The following PTPRJ variants were observed in gnomAD, a reference collection of about 807,000 sequenced individuals.
PTPRJ encodes protein tyrosine phosphatase receptor type J.
A neutral mutation model predicts 141.3 loss-of-function variants in PTPRJ; 129 were observed. The ratio of observed to expected loss-of-function variants is 0.91; its 90% CI spans 0.79 to 1.06. PTPRJ has a LOEUF of 1.06. Ranked by LOEUF, PTPRJ falls within the 50% of genes least tolerant of loss-of-function variation. The probability of loss-of-function intolerance (pLI) is 0.00; values close to 1 mark genes in which losing one functional copy is unlikely to be tolerated. For missense variants in PTPRJ, 1,601 were observed against 1,679.7 expected, an observed-to-expected ratio of 0.95 and a Z score of 0.82; for synonymous variants, 610 against 640.5, an observed-to-expected ratio of 0.95 and a Z score of 0.72.
At chr11:48,090,656 C>T (rs193133230) in intron 1 of PTPRJ, among the ~76,000 whole-genome samples, 28 of 152,318 alleles carry the variant, frequency 1.8e-4, no homozygotes, top group African/African-American at 5.5e-4. Context: ...TTGTTTGAAA[C>T]GGTCAGAATG....
At position 48,000,159 on chromosome 11, in the gene PTPRJ, G is replaced by C. The variant is rs1315441393; in HGVS notation, c.96+19151G>C. Among the ~76,000 whole-genome samples the C allele has an allele frequency of 5.9e-5, 5 of 84,424 alleles. No individual in the cohort carries two copies. The Admixed American group carries it at 6.0e-4, about 10-fold the overall frequency. The allele number at this position is 84,424 out of a possible 152,430, so 55.4% of individuals were successfully genotyped here. On this transcript the variant is annotated intron_variant, in intron 1 of 24. Coordinates refer to ENST00000418331, the MANE Select transcript of PTPRJ (RefSeq NM_002843.4). ...CTGGCCCTTTTTTTTTTTTTTTTTT[G>C]AGATAGGGTCGTGTTCTGTTGCCCA... is the stretch of plus-strand genomic sequence containing the variant.
chr11:48,130,467 C>T lies in PTPRJ; in HGVS notation c.1366C>T (p.Pro456Ser), dbSNP rs374837260. 1.9e-6 allele frequency: 3 copies of T among 1,610,416 alleles called. No homozygotes were observed. The highest frequency in any genetic ancestry group is 1.1e-5 in the South Asian group (1 of 90,728). The change falls in exon 8 of 25, where the codon CCA becomes TCA. Residue 456 changes from proline to serine, a missense_variant. By Grantham distance (74) the Pro-to-Ser change is moderately conservative (BLOSUM62 -1). Coordinates refer to ENST00000418331, the MANE Select transcript of PTPRJ (RefSeq NM_002843.4). ...TTACTTTCTTTGCATAGCCCCTGTT[C>T]CAGTTTCTGACTTCCGAGTGACAGT... The part of the protein sequence containing the change: ...GFLQVHTPPV[P>S]VSDFRVTVVS...
intron 1 of PTPRJ, among the ~76,000 whole-genome samples, chr11:48,060,568 A>T (rs1485906634): frequency 6.6e-6 from 1 of 152,218 alleles, no homozygotes; most frequent in African/African-American, 2.4e-5. Context: ...AGGTAATGGC[A>T]GATTCTTTTA....
Position 48,137,280 on chromosome 11 carries a change from A to G in PTPRJ, c.2151A>G (p.Thr717=), listed in dbSNP as rs747385887. 1 of 1,612,926 alleles carries G rather than the reference A, an allele frequency of 6.2e-7. No homozygotes were observed. The highest frequency in any genetic ancestry group is 8.5e-7 in the Non-Finnish European group (1 of 1,179,082). ...SLEPGRKSFC[T]DPASMASFDC... is the part of the protein sequence containing the mutation. ...AACCTGGCCGGAAGTCATTCTGTAC[A>G]GGTGAGTGTAGCCCCAACTGCCTCT... Residue 717 remains threonine (T), a splice_region_variant and synonymous_variant, in exon 10 of 25, where the codon ACA becomes ACG. Transcript: ENST00000418331.
intron 1 of PTPRJ, among the ~76,000 whole-genome samples, chr11:47,984,544 G>A (rs78711580): frequency 6.6e-6 from 1 of 151,886 alleles, no homozygotes; most frequent in African/African-American, 2.4e-5. Flanking sequence ...AGAGGTAGGT[G>A]CTGTTCTTGT....
Position 48,006,691 on chromosome 11 carries a change from T to C in PTPRJ, c.96+25683T>C, listed in dbSNP as rs188125134. 2.4e-3 allele frequency among the ~76,000 whole-genome samples: 370 copies of C among 152,294 alleles called. 2 individuals carry two copies. The highest frequency in any genetic ancestry group is 0.017 in the South Asian group (81 of 4,828). ...AAACCAGTGAGGTCTTTCTGGGTCT[T>C]AAAGGTCACCCAGTGTCCTTGCCTA... On this transcript the variant is annotated intron_variant, in intron 1 of 24. Transcript: ENST00000418331.
chr11:47,986,445 C>G (rs969128928), intron 1 of PTPRJ, among the ~76,000 whole-genome samples: 1 of 152,216 alleles, frequency 6.6e-6, no homozygotes, highest in Non-Finnish European at 1.5e-5. Flanking sequence ...TAAAGCAAGG[C>G]CCAACTGCTA....
At chr11:48,015,322 T>C (rs888860425) in intron 1 of PTPRJ, among the ~76,000 whole-genome samples, 2 of 151,934 alleles carry the variant, frequency 1.3e-5, no homozygotes, top group Non-Finnish European at 2.9e-5. Context: ...CATGTTTTCC[T>C]TTGGCTTTGG....
intron 1 of PTPRJ, among the ~76,000 whole-genome samples, chr11:48,017,773 G>C (rs1854989158): frequency 1.3e-5 from 2 of 152,222 alleles, no homozygotes; most frequent in Non-Finnish European, 2.9e-5. Context: ...CAGAGAGCCT[G>C]GTGGGTGATG....
intron 1 of PTPRJ, among the ~76,000 whole-genome samples, chr11:48,010,938 T>A (rs1214285335): frequency 1.3e-5 from 2 of 151,862 alleles, no homozygotes; most frequent in African/African-American, 4.8e-5. Context: ...CTTCAGCCAA[T>A]TGAGTAGCTG....
chr11:48,114,502 T>C (rs908814941), intron 3 of PTPRJ, among the ~76,000 whole-genome samples: 1 of 149,914 alleles, frequency 6.7e-6, no homozygotes, highest in Non-Finnish European at 1.5e-5. Context: ...TTACAAAAAT[T>C]TGGGCTTAGA....
In PTPRJ at chr11:48,110,565, T is replaced by C. The variant is rs1242150836; in HGVS notation, c.115+489T>C. ...AATGAAAGAAAAAATTTTAATTAAT[T>C]GTGCAATCATGATGAAAATTTATAT... On this transcript the variant is annotated intron_variant, in intron 2 of 24. Transcript: ENST00000418331. Among the ~76,000 whole-genome samples the C allele has an allele frequency of 4.6e-5, 7 of 152,342 alleles. No homozygotes were observed. In the East Asian group the frequency reaches 1.3e-3, roughly 29 times the overall value.
chr11:48,140,624 G>A (rs749859200), intron 11 of PTPRJ, among the ~76,000 whole-genome samples: 1 of 152,150 alleles, frequency 6.6e-6, no homozygotes, highest in Non-Finnish European at 1.5e-5. Flanking sequence ...CACTGCTGCC[G>A]CATACTTGCG....
intron 1 of PTPRJ, among the ~76,000 whole-genome samples, chr11:48,033,037 G>A (rs1854024673): frequency 6.6e-6 from 1 of 151,642 alleles, no homozygotes; most frequent in African/African-American, 2.4e-5. Flanking sequence ...GGGCAACATA[G>A]TGAGACTCCG....
At chr11:47,987,660 C>A (rs1431115108) in intron 1 of PTPRJ, among the ~76,000 whole-genome samples, 1 of 152,104 alleles carries the variant, frequency 6.6e-6, no homozygotes, top group Non-Finnish European at 1.5e-5. Context: ...AGTGGAGATC[C>A]CTGAAAGTGG....
rs775555539 is a variant in PTPRJ at position 48,123,616 on chromosome 11, C to T, written c.620C>T (p.Pro207Leu). The change falls in exon 5 of 25, where the codon CCG (proline) becomes CTG (leucine). Residue 207 changes from proline to leucine, a missense_variant. Coordinates refer to ENST00000418331, the MANE Select transcript of PTPRJ (RefSeq NM_002843.4). ...DPRVIKVITE[P>L]IPVSDLRVAL... The stretch of plus-strand genomic sequence containing the variant: ...GCATGTTGTATTTTTAAAATAGAGC[C>T]GATCCCAGTTTCTGATCTCCGTGTT... 4.7e-5 allele frequency: 75 copies of T among 1,611,922 alleles called. No homozygotes were observed. The highest frequency in any genetic ancestry group is 5.4e-5 in the African/African-American group (4 of 74,764).
chr11:48,118,793 C>G (rs557274409), intron 3 of PTPRJ, among the ~76,000 whole-genome samples: 1 of 151,998 alleles, frequency 6.6e-6, no homozygotes, highest in African/African-American at 2.4e-5. Context: ...CTTGCTTTTC[C>G]AAAACCTTCC....
At chr11:48,071,402 C>T (rs527432325) in intron 1 of PTPRJ, among the ~76,000 whole-genome samples, 6 of 151,962 alleles carry the variant, frequency 3.9e-5, no homozygotes, top group East Asian at 1.9e-4. Flanking sequence ...CTGCACCCTC[C>T]GCCTCCCGGG....
At chr11:48,020,467 C>T (rs926123182) in intron 1 of PTPRJ, among the ~76,000 whole-genome samples, 7 of 152,264 alleles carry the variant, frequency 4.6e-5, no homozygotes, top group Middle Eastern at 3.4e-3. Flanking sequence ...GGTGTGGCCC[C>T]GTTTCCTTCT....
Sources: allele counts gnomAD v4.1 joint callset (sites outside exome capture counted in the v4.1 genomes callset), GRCh38; gene constraint gnomAD v4.1.1; transcripts MANE v1.5; gene names NCBI Gene and HGNC (gene_info 2026-07-23, HGNC 2026-07-21).